Variants in TMEM132B observed in about 807,000 individuals in gnomAD.
TMEM132B encodes transmembrane protein 132B.
TMEM132B carries 18 observed loss-of-function variants against 90.8 expected under a neutral mutation model. That is an observed-to-expected ratio of 0.20 (90% CI 0.14 to 0.29). TMEM132B has a LOEUF of 0.29. Ranked by LOEUF, TMEM132B falls within the 10% of genes least tolerant of loss-of-function variation. TMEM132B has a pLI of 1.00. For missense variants in TMEM132B, 1,096 were observed against 1,326.8 expected (o/e 0.83, Z 2.70); for synonymous variants, 504 against 523.3 (o/e 0.96, Z 0.50).
intron 5 of TMEM132B, among the ~76,000 whole-genome samples, chr12:125,590,886 A>C (rs1282696778): frequency 6.6e-6 from 1 of 152,314 alleles, no homozygotes; most frequent in Non-Finnish European, 1.5e-5. Context: ...CTGTAGCTCA[A>C]GTTCTAGTGG....
chr12:125,653,492 G>A, intron 8 of TMEM132B, 73 bp from the exon 9 acceptor site: 1 of 1,462,116 alleles, frequency 6.8e-7, no homozygotes, highest in Non-Finnish European at 9.2e-7. Context: ...AATTTATATA[G>A]GAAATTATAC....
chr12:125,404,507 G>A (rs757706264), intron 2 of TMEM132B, among the ~76,000 whole-genome samples: 34 of 152,170 alleles, frequency 2.2e-4, no homozygotes, highest in Non-Finnish European at 3.2e-4. Flanking sequence ...TCTGGAGACC[G>A]TATGGTAGTT....
At chr12:125,554,991 G>A (rs1032358026) in intron 4 of TMEM132B, among the ~76,000 whole-genome samples, 3 of 152,188 alleles carry the variant, frequency 2.0e-5, no homozygotes, top group Admixed American at 2.0e-4. Context: ...CTGTCTGCAT[G>A]TGAATTGAAT....
intron 3 of TMEM132B, among the ~76,000 whole-genome samples, chr12:125,500,167 T>C (rs1227484806): frequency 6.6e-6 from 1 of 152,220 alleles, no homozygotes; most frequent in Non-Finnish European, 1.5e-5. Flanking sequence ...CCCCGTTGCA[T>C]TGCAGGCTGC....
chr12:125,329,842 C>A (rs1876709962), intron 1 of TMEM132B, among the ~76,000 whole-genome samples: 1 of 152,172 alleles, frequency 6.6e-6, no homozygotes, highest in Non-Finnish European at 1.5e-5. Context: ...GTGAATACCC[C>A]TGAACACAAA....
At position 125,490,378 on chromosome 12, in the gene TMEM132B, A is replaced by G. The variant is rs1209508370; in HGVS notation, c.1107-29061A>G. The stretch of plus-strand genomic sequence containing the variant: ...GTTCAACTCTTGTTGATGTTTTTTC[A>G]GTAGGCCTGTGGTAGTATTCAAACA... On this transcript the variant is annotated intron_variant, in intron 3 of 8. Coordinates refer to ENST00000682704, the MANE Select transcript of TMEM132B (RefSeq NM_001366854.1). The surrounding 1 kb of genome is among the most constrained non-coding windows in gnomAD (Gnocchi z 4.2). Among the ~76,000 whole-genome samples the G allele has an allele frequency of 1.3e-5, 2 of 152,118 alleles. No individual in the cohort carries two copies. Among genetic ancestry groups the G allele is most frequent in the Admixed American group, 1.3e-4 (2 of 15,278 alleles).
Position 125,349,361 on chromosome 12 carries a change from T to C in TMEM132B, c.68-91T>C. The C allele has an allele frequency of 7.0e-7, 1 of 1,434,218 alleles. No homozygotes were observed. Among genetic ancestry groups the C allele is most frequent in the South Asian group, 1.4e-5 (1 of 70,380 alleles). 88.8% of individuals were successfully genotyped at this position (1,434,218 alleles called of 1,614,324 possible). On this transcript the variant is annotated intron_variant, in intron 1 of 8. Coordinates refer to ENST00000682704, the MANE Select transcript of TMEM132B (RefSeq NM_001366854.1). The surrounding 1 kb of genome is among the most constrained non-coding windows in gnomAD (Gnocchi z 4.1). Reference sequence around the variant, plus strand: ...GGGAGAAACAGTGGCCAGTGGGCGGTTTGTTGGGGAGGTGGGTGGAGACTG... The same window carrying C: ...GGGAGAAACAGTGGCCAGTGGGCGGCTTGTTGGGGAGGTGGGTGGAGACTG...
chr12:125,469,600 G>A lies in TMEM132B; in HGVS notation c.1107-49839G>A, dbSNP rs376331226. On this transcript the variant is annotated intron_variant, in intron 3 of 8. Coordinates refer to ENST00000682704, the MANE Select transcript of TMEM132B (RefSeq NM_001366854.1). ...CACATGAGATCACATGAGGTCACAC[G>A]AGGCAGGGAAGAGTCTCCACTGGAG... 1.2e-3 allele frequency among the ~76,000 whole-genome samples: 189 copies of A among 152,256 alleles called. 1 individual carries two copies. The highest frequency in any genetic ancestry group is 4.2e-3 in the African/African-American group (175 of 41,546).
At chr12:125,256,640 C>A (rs1055773374) in intron 1 of TMEM132B, among the ~76,000 whole-genome samples, 2 of 152,248 alleles carry the variant, frequency 1.3e-5, no homozygotes, top group African/African-American at 4.8e-5. Context: ...CCCACACTTT[C>A]ATTAGAGGGT....
intron 4 of TMEM132B, among the ~76,000 whole-genome samples, chr12:125,557,462 A>G (rs992145028): frequency 2.6e-5 from 4 of 152,216 alleles, no homozygotes; most frequent in African/African-American, 9.6e-5. Context: ...CATCTATTAC[A>G]TATCATCTGG....
chr12:125,192,693 G>A (rs915097791), intron 1 of TMEM132B, among the ~76,000 whole-genome samples: 3 of 152,222 alleles, frequency 2.0e-5, no homozygotes, highest in African/African-American at 7.2e-5. Context: ...GCCCCGGCCT[G>A]CTTCGGCAGG....
intron 1 of TMEM132B, among the ~76,000 whole-genome samples, chr12:125,241,425 G>T (rs1593052616): frequency 6.6e-6 from 1 of 152,298 alleles, no homozygotes; most frequent in East Asian, 1.9e-4. Context: ...CATGATGTGA[G>T]TTTTTTCCAT....
At chr12:125,433,843 A>C (rs1345068289) in intron 3 of TMEM132B, among the ~76,000 whole-genome samples, 2 of 152,090 alleles carry the variant, frequency 1.3e-5, no homozygotes, top group Non-Finnish European at 2.9e-5. Context: ...TTTTTCTTAA[A>C]GTTCGCAATG....
chr12:125,326,484 C>T, intron 1 of TMEM132B: 1 of 936,460 alleles, frequency 1.1e-6, no homozygotes. Context: ...TGAGCTCTGA[C>T]ATTCCGTTGT....
intron 3 of TMEM132B, among the ~76,000 whole-genome samples, chr12:125,513,419 A>T (rs1883032855): frequency 6.6e-6 from 1 of 152,154 alleles, no homozygotes; most frequent in African/African-American, 2.4e-5. Flanking sequence ...AAATAACAGT[A>T]TGTTAGAAGA....
chr12:125,461,114 T>C (rs1881425012), intron 3 of TMEM132B, among the ~76,000 whole-genome samples: 1 of 152,104 alleles, frequency 6.6e-6, no homozygotes, highest in Non-Finnish European at 1.5e-5. Context: ...AATAGCAAAG[T>C]TAGATTGGAA....
chr12:125,402,486 ATC>A (rs1879348415), intron 2 of TMEM132B, among the ~76,000 whole-genome samples: 1 of 152,188 alleles, frequency 6.6e-6, no homozygotes. Flanking sequence ...TGGTAAATAT[ATC>A]TTGAAGGGTG....
chr12:125,200,495 G>A (rs1412520620), intron 1 of TMEM132B, among the ~76,000 whole-genome samples: 2 of 152,114 alleles, frequency 1.3e-5, no homozygotes, highest in African/African-American at 4.8e-5. Flanking sequence ...GTATTCCATG[G>A]CACGCATATA....
At chr12:125,325,669 C>CTGTG (rs59220510) in intron 1 of TMEM132B, among the ~76,000 whole-genome samples, 1,382 of 124,322 alleles carry the variant, frequency 0.011, 12 homozygotes, top group Middle Eastern at 0.031. Flanking sequence ...GCCTCCCACC[C>CTGTG]TGTGTGTGTG....
Sources: gnomAD v4.1 joint callset for allele counts (sites outside exome capture counted in the v4.1 genomes callset) on GRCh38, gnomAD v4.1.1 for gene constraint, Gnocchi (gnomAD v3.1) non-coding constraint, MANE v1.5 for transcripts, NCBI Gene and HGNC (gene_info 2026-07-23, HGNC 2026-07-21) for gene names.